Variants in PKN2 observed in about 807,000 individuals in gnomAD.
PKN2 encodes the protein serine/threonine-protein kinase N2.
PKN2 carries 38 observed loss-of-function variants against 119.1 expected under a neutral mutation model. That is an observed-to-expected ratio of 0.32 (90% CI 0.25 to 0.42). The LOEUF (loss-of-function observed/expected upper bound fraction) is 0.42, where lower values mean the gene tolerates loss of function less well. Among genes scored for constraint, PKN2 ranks in the 10% least tolerant of loss-of-function variants. PKN2 has a pLI of 1.00. For synonymous variants in PKN2, 390 were observed against 384.9 expected (o/e 1.01, Z -0.15); for missense variants, 850 against 1,165.1 (o/e 0.73, Z 3.94).
chr1:88,739,700 G>A (rs11808615), intron 1 of PKN2, among the ~76,000 whole-genome samples: 10,178 of 152,066 alleles, frequency 0.067, 698 homozygotes, highest in African/African-American at 0.18. Flanking sequence ...AAATCCAATG[G>A]TATTATAGTA....
intron 1 of PKN2, among the ~76,000 whole-genome samples, chr1:88,717,383 A>C (rs1480981567): frequency 6.6e-6 from 1 of 152,132 alleles, no homozygotes; most frequent in East Asian, 1.9e-4. Context: ...AATATCCTGC[A>C]GAGTGTTTTC....
At chr1:88,790,129 T>C (rs1221131431) in intron 8 of PKN2, among the ~76,000 whole-genome samples, 1 of 152,194 alleles carries the variant, frequency 6.6e-6, no homozygotes, top group Non-Finnish European at 1.5e-5. Flanking sequence ...ATCTTTCTGC[T>C]CCAATTTATA....
intron 1 of PKN2, among the ~76,000 whole-genome samples, chr1:88,702,110 C>T (rs1163616253): frequency 1.3e-5 from 2 of 152,170 alleles, no homozygotes; most frequent in Admixed American, 1.3e-4. Context: ...AGGCATGTGC[C>T]ACCAAGCCCA....
chr1:88,747,941 G>A (rs1183049074), intron 2 of PKN2, among the ~76,000 whole-genome samples: 1 of 152,060 alleles, frequency 6.6e-6, no homozygotes, highest in Non-Finnish European at 1.5e-5. Context: ...TAGAAATGAA[G>A]ATTTAATTTT....
intron 1 of PKN2, among the ~76,000 whole-genome samples, chr1:88,728,033 T>C (rs2100720121): frequency 6.6e-6 from 1 of 150,938 alleles, no homozygotes; most frequent in African/African-American, 2.4e-5. Context: ...TTTTTTTTTT[T>C]TATTCTTTGG....
At chr1:88,774,856 G>T (rs12027945) in intron 6 of PKN2, among the ~76,000 whole-genome samples, 2 of 151,950 alleles carry the variant, frequency 1.3e-5, no homozygotes, top group African/African-American at 4.8e-5. Flanking sequence ...GTACGGGAAC[G>T]TGCCACCACA....
chr1:88,806,153 G>A (rs1671528929), intron 12 of PKN2, 136 bp downstream of exon 12: 2 of 779,894 alleles, frequency 2.6e-6, no homozygotes, highest in African/African-American at 1.8e-5. Context: ...TTTGTTTTTT[G>A]TTTTTGTTTT....
chr1:88,713,799 T>A (rs968976800), intron 1 of PKN2, among the ~76,000 whole-genome samples: 6 of 152,258 alleles, frequency 3.9e-5, no homozygotes, highest in Admixed American at 3.9e-4. Context: ...CCCATTTGTC[T>A]ATTTTGGCTT....
chr1:88,793,712 A>G (rs1046400573), intron 8 of PKN2, among the ~76,000 whole-genome samples: 2 of 152,140 alleles, frequency 1.3e-5, no homozygotes, highest in Non-Finnish European at 2.9e-5. Context: ...AAAATGGTGT[A>G]TTTGCATATA....
At chr1:88,715,480 C>T (rs1211524866) in intron 1 of PKN2, among the ~76,000 whole-genome samples, 2 of 152,092 alleles carry the variant, frequency 1.3e-5, no homozygotes, top group African/African-American at 4.8e-5. Context: ...TCAACTTCTT[C>T]CTGGTTTAGT....
At chr1:88,800,295 G>A (rs1671252946) in intron 8 of PKN2, among the ~76,000 whole-genome samples, 1 of 152,092 alleles carries the variant, frequency 6.6e-6, no homozygotes, top group Non-Finnish European at 1.5e-5. Flanking sequence ...AGGAGTTTTT[G>A]AAAAATACAA....
At position 88,835,778 on chromosome 1, in the gene PKN2, T is replaced by C. The variant is rs1415824347; in HGVS notation, c.*2330T>C. 6.6e-6 allele frequency: 1 copy of C among 152,366 alleles called. No homozygotes were observed. Among genetic ancestry groups the C allele is most frequent in the Admixed American group, 6.6e-5 (1 of 15,224 alleles). 9.4% of individuals were successfully genotyped at this position (152,366 alleles called of 1,614,324 possible). On this transcript the variant is annotated 3_prime_UTR_variant, in exon 22 of 22. Transcript: ENST00000370521. ...CATAAATTATCACAAATGCACAAAT[T>C]AAAGTCTATATAGATTGAAATTTGT...
At chr1:88,707,378 G>A (rs763573833) in intron 1 of PKN2, among the ~76,000 whole-genome samples, 2 of 151,944 alleles carry the variant, frequency 1.3e-5, no homozygotes, top group Non-Finnish European at 2.9e-5. Flanking sequence ...TCAAGGAGAT[G>A]CATGTTAATA....
intron 1 of PKN2, among the ~76,000 whole-genome samples, chr1:88,729,838 T>G (rs1274932557): frequency 6.6e-6 from 1 of 152,186 alleles, no homozygotes; most frequent in Non-Finnish European, 1.5e-5. Flanking sequence ...TATTATTTCT[T>G]AACACAGGTC....
chr1:88,771,631 A>G, intron 5 of PKN2, 32 bp from the exon 6 acceptor site: 1 of 1,595,488 alleles, frequency 6.3e-7, no homozygotes, highest in South Asian at 1.1e-5. Context: ...GTGATTATTT[A>G]AATGACAACA....
chr1:88,754,603 G>C (rs1326112258), intron 2 of PKN2, among the ~76,000 whole-genome samples: 1 of 152,226 alleles, frequency 6.6e-6, no homozygotes, highest in Non-Finnish European at 1.5e-5. Flanking sequence ...AGGAAAAATA[G>C]TAGTGGAGAA....
intron 6 of PKN2, among the ~76,000 whole-genome samples, chr1:88,772,422 T>C (rs1025862882): frequency 5.3e-5 from 8 of 152,326 alleles, no homozygotes; most frequent in African/African-American, 1.9e-4. Flanking sequence ...GAAATTCTCA[T>C]TGGAGCATTT....
At chr1:88,813,522 T>G in intron 15 of PKN2, 35 bp from the exon 16 acceptor site, 1 of 1,401,368 alleles carries the variant, frequency 7.1e-7, no homozygotes, top group South Asian at 1.4e-5. Flanking sequence ...AGAATTATTT[T>G]TAATCTGCTT....
chr1:88,718,983 A>G (rs531364802), intron 1 of PKN2, among the ~76,000 whole-genome samples: 1 of 152,272 alleles, frequency 6.6e-6, no homozygotes, highest in African/African-American at 2.4e-5. Flanking sequence ...TACCCTCCCC[A>G]TTCCTAAACC....
Sources: allele counts gnomAD v4.1 joint callset (sites outside exome capture counted in the v4.1 genomes callset), GRCh38; gene constraint gnomAD v4.1.1; transcripts MANE v1.5; gene names NCBI Gene and HGNC (gene_info 2026-07-23, HGNC 2026-07-21).